UMAD1: variants seen among roughly 807,000 people sequenced by gnomAD.
UMAD1 encodes UBAP1-MVB12-associated (UMA)-domain containing protein 1.
In UMAD1, 8 loss-of-function variants were observed where a neutral mutation model predicts 6.1. The observed-to-expected ratio is 1.30, with a 90% CI of 0.76 to 2.35. UMAD1 has a LOEUF of 2.35. UMAD1 is among the 30% of genes most tolerant of loss of function. The pLI is 0.00. For missense variants in UMAD1, 130 were observed against 78.4 expected, an observed-to-expected ratio of 1.66 and a Z score of -2.49; for synonymous variants, 56 against 31.4, an observed-to-expected ratio of 1.78 and a Z score of -2.61.
intron 1 of UMAD1, among the ~76,000 whole-genome samples, chr7:7,661,009 GTT>G (rs140344078): frequency 4.6e-5 from 7 of 150,564 alleles, no homozygotes; most frequent in East Asian, 1.9e-4. Flanking sequence ...CCTTTTGATT[GTT>G]TTTTTTTTGT....
At chr7:7,813,103 C>T (rs1478291463) in intron 3 of UMAD1, among the ~76,000 whole-genome samples, 1 of 152,166 alleles carries the variant, frequency 6.6e-6, no homozygotes, top group Non-Finnish European at 1.5e-5. Flanking sequence ...AGTGCACCAG[C>T]ATGAATACAT....
chr7:7,693,322 T>TCTATCTATCTAC, intron 2 of UMAD1, among the ~76,000 whole-genome samples: 1 of 152,082 alleles, frequency 6.6e-6, no homozygotes, highest in South Asian at 2.1e-4. Flanking sequence ...TATCTATCTA[T>TCTATCTATCTAC]CTATCTATCT....
At chr7:7,714,398 A>G (rs922196391) in intron 2 of UMAD1, among the ~76,000 whole-genome samples, 4 of 152,378 alleles carry the variant, frequency 2.6e-5, no homozygotes, top group African/African-American at 9.6e-5. Flanking sequence ...TTATAATTGC[A>G]TGATTTAATT....
intron 2 of UMAD1, among the ~76,000 whole-genome samples, chr7:7,798,054 C>T (rs1053175984): frequency 1.9e-4 from 29 of 152,218 alleles, no homozygotes; most frequent in African/African-American, 6.5e-4. Context: ...TGGAAAACTA[C>T]AGGCTGCCAC....
intron 3 of UMAD1, among the ~76,000 whole-genome samples, chr7:7,845,688 T>C (rs1783770245): frequency 1.3e-5 from 2 of 152,144 alleles, no homozygotes. Flanking sequence ...ATTCTTAAAA[T>C]GGCGATGGTT....
intron 2 of UMAD1, among the ~76,000 whole-genome samples, chr7:7,750,362 T>C (rs1025991881): frequency 3.3e-5 from 5 of 152,312 alleles, no homozygotes; most frequent in Admixed American, 3.3e-4. Context: ...GAGATAGATA[T>C]GGTATTGATA....
intron 1 of UMAD1, among the ~76,000 whole-genome samples, chr7:7,657,656 G>C (rs1205234927): frequency 6.6e-6 from 1 of 152,078 alleles, no homozygotes; most frequent in Non-Finnish European, 1.5e-5. Flanking sequence ...GCTCTGTTCT[G>C]TTCCATTGGT....
At chr7:7,675,637 A>G (rs1313796422) in intron 2 of UMAD1, among the ~76,000 whole-genome samples, 1 of 152,188 alleles carries the variant, frequency 6.6e-6, no homozygotes, top group Non-Finnish European at 1.5e-5. Flanking sequence ...TAATTACTCT[A>G]ATATGCTCTC....
In UMAD1 at chr7:7,801,742, A is replaced by G. The variant is rs1782804298; in HGVS notation, c.155A>G (p.Glu52Gly). The change falls in exon 3 of 4, where the codon GAG (glutamate) becomes GGG (glycine). Residue 52 changes from glutamate (E) to glycine (G), a missense_variant and splice_region_variant. Glu to Gly is a moderately conservative substitution (Grantham distance 98, BLOSUM62 -2). Transcript: ENST00000682710. ...TSDIEANQPL[E>G]TNKENSSSVT... Reference sequence around the variant, plus strand: ...GACATAGAGGCCAACCAACCTTTGGAGGTAAGTGAAACAGAGTAAGTCCTT... The same window carrying G: ...GACATAGAGGCCAACCAACCTTTGGGGGTAAGTGAAACAGAGTAAGTCCTT... 2 of 717,810 alleles carry G rather than the reference A, an allele frequency of 2.8e-6. No homozygotes were observed. Among genetic ancestry groups the G allele is most frequent in the Non-Finnish European group, 5.2e-6 (2 of 385,188 alleles). The allele number at this position is 717,810 out of a possible 1,614,324, so 44.5% of individuals were successfully genotyped here.
At chr7:7,659,559 T>C (rs1185995286) in intron 1 of UMAD1, among the ~76,000 whole-genome samples, 1 of 152,228 alleles carries the variant, frequency 6.6e-6, no homozygotes, top group South Asian at 2.1e-4. Context: ...AATTTCGTTA[T>C]TTACCCAGTA....
chr7:7,846,936 T>G (rs1783795303), intron 3 of UMAD1, among the ~76,000 whole-genome samples: 2 of 139,404 alleles, frequency 1.4e-5, no homozygotes, highest in African/African-American at 2.7e-5. Context: ...GGGATAGCAT[T>G]GGGAGATATA....
intron 2 of UMAD1, among the ~76,000 whole-genome samples, chr7:7,706,542 T>C (rs528199075): frequency 5.3e-5 from 8 of 152,302 alleles, no homozygotes; most frequent in African/African-American, 1.9e-4. Context: ...ATGTTAGATA[T>C]CATTTTTTAA....
At chr7:7,810,203 A>G (rs2115282957) in intron 3 of UMAD1, among the ~76,000 whole-genome samples, 1 of 143,868 alleles carries the variant, frequency 7.0e-6, no homozygotes, top group Non-Finnish European at 1.6e-5. Flanking sequence ...CTCTTTACTC[A>G]CACAAGATAT....
intron 1 of UMAD1, among the ~76,000 whole-genome samples, chr7:7,659,439 T>A (rs185625273): frequency 8.6e-4 from 131 of 152,352 alleles, no homozygotes; most frequent in African/African-American, 3.1e-3. Context: ...CTTGTTGGCA[T>A]TTAGTGCTAT....
At chr7:7,699,042 G>A (rs1780388595) in intron 2 of UMAD1, among the ~76,000 whole-genome samples, 1 of 123,448 alleles carries the variant, frequency 8.1e-6, no homozygotes, top group South Asian at 2.6e-4. Context: ...GTTTGTGTGT[G>A]TGTGTGTGGG....
chr7:7,834,424 C>T (rs1171824924), intron 3 of UMAD1, among the ~76,000 whole-genome samples: 3 of 152,162 alleles, frequency 2.0e-5, no homozygotes, highest in Non-Finnish European at 4.4e-5. Flanking sequence ...TCCACCATGT[C>T]ATTGGACACT....
rs138529437 is a variant in UMAD1 at position 7,747,108 on chromosome 7, G to A, written c.83-54562G>A. 2.9e-3 allele frequency among the ~76,000 whole-genome samples: 439 copies of A among 152,110 alleles called. 3 individuals are homozygous for A. Among genetic ancestry groups the A allele is most frequent in the Middle Eastern group, 0.024 (7 of 294 alleles). On this transcript the variant is annotated intron_variant, in intron 2 of 3. Coordinates refer to ENST00000682710, the MANE Select transcript of UMAD1 (RefSeq NM_001302348.2). ...TAGGCAAAGTTGCCTTCGAGTGCAT[G>A]GTGAGAAATAGTAATGAGATACTTT...
chr7:7,694,080 T>A (rs763253191), intron 2 of UMAD1, among the ~76,000 whole-genome samples: 16 of 152,154 alleles, frequency 1.1e-4, no homozygotes, highest in Non-Finnish European at 2.1e-4. Context: ...TAGATTTTTC[T>A]CCATACCTAT....
chr7:7,835,555 G>A (rs1783553158), intron 3 of UMAD1, among the ~76,000 whole-genome samples: 1 of 131,348 alleles, frequency 7.6e-6, no homozygotes, highest in South Asian at 2.5e-4. Context: ...TTCTTGGGAA[G>A]TTTATTTTCT....
Sources: allele counts gnomAD v4.1 joint callset (sites outside exome capture counted in the v4.1 genomes callset), GRCh38; gene constraint gnomAD v4.1.1; transcripts MANE v1.5; gene names NCBI Gene and HGNC (gene_info 2026-07-23, HGNC 2026-07-21).